CREB1: variants seen among roughly 807,000 people sequenced by gnomAD.
CREB1 encodes the protein cAMP responsive element binding protein 1.
A neutral mutation model predicts 42.0 loss-of-function variants in CREB1; 2 were observed. The ratio of observed to expected loss-of-function variants is 0.05; its 90% CI spans 0.02 to 0.15. The LOEUF (loss-of-function observed/expected upper bound fraction) is 0.15. Among genes scored for constraint, CREB1 ranks in the 10% least tolerant of loss-of-function variants. CREB1 has a pLI of 1.00. For missense variants in CREB1, 199 were observed against 388.9 expected (o/e 0.51, Z 4.11); for synonymous variants, 123 against 139.9 (o/e 0.88, Z 0.85).
At position 207,538,325 on chromosome 2, in the gene CREB1, T is replaced by C. The variant is rs1293709489; in HGVS notation, c.-9+8191T>C. On this transcript the variant is annotated intron_variant, in intron 1 of 7. Transcript: ENST00000353267. The stretch of plus-strand genomic sequence containing the variant: ...TACCTATAATTTAATACGTGCATTA[T>C]ACATCTCCAGTGATGAAAAATCACT... Among the ~76,000 whole-genome samples the C allele has an allele frequency of 2.0e-5, 3 of 152,154 alleles. No homozygotes were observed. In the East Asian group the frequency reaches 5.8e-4, roughly 29 times the overall value.
intron 7 of CREB1, among the ~76,000 whole-genome samples, chr2:207,586,220 T>C (rs988724788): frequency 7.2e-5 from 11 of 152,010 alleles, no homozygotes; most frequent in Admixed American, 2.0e-4. Flanking sequence ...AACCAAAACA[T>C]AGTATTGATA....
intron 2 of CREB1, among the ~76,000 whole-genome samples, chr2:207,557,930 T>C (rs2081795999): frequency 6.6e-6 from 1 of 152,192 alleles, no homozygotes; most frequent in Non-Finnish European, 1.5e-5. Flanking sequence ...CTTCAAATAT[T>C]ACAAGAGCAT....
chr2:207,541,963 G>A (rs1271567049), intron 1 of CREB1, among the ~76,000 whole-genome samples: 2 of 152,182 alleles, frequency 1.3e-5, no homozygotes, highest in Admixed American at 1.3e-4. Flanking sequence ...AATGTCCATT[G>A]TGATGAGCTG....
At position 207,601,727 on chromosome 2, in the gene CREB1, A is replaced by G. The variant is rs2087087918; in HGVS notation, c.*4669A>G. ...GTTCATTTTTAATGGCTTTGTTAACATCAAAGAAATGCTGCCTAAATTTGA... is the reference window on the plus strand; with the variant it reads ...GTTCATTTTTAATGGCTTTGTTAACGTCAAAGAAATGCTGCCTAAATTTGA... On this transcript the variant is annotated 3_prime_UTR_variant, in exon 8 of 8. Coordinates refer to ENST00000353267, the MANE Select transcript of CREB1 (RefSeq NM_004379.5). The G allele has an allele frequency of 4.7e-6, 1 of 214,178 alleles. No homozygotes were observed. The highest frequency in any genetic ancestry group is 9.4e-6 in the Non-Finnish European group (1 of 106,126). The allele number at this position is 214,178 out of a possible 1,614,324, so 13.3% of individuals were successfully genotyped here. A position where few individuals can be genotyped will look rare whatever the true frequency, so the allele number is the denominator to read the frequency against.
chr2:207,540,848 A>G (rs2081073528), intron 1 of CREB1, among the ~76,000 whole-genome samples: 1 of 152,218 alleles, frequency 6.6e-6, no homozygotes, highest in African/African-American at 2.4e-5. Flanking sequence ...ACAAGTTAAA[A>G]AAACTAAAAA....
In CREB1 at chr2:207,591,624, G is replaced by T; in HGVS notation, c.840-5290G>T. 1.3e-5 allele frequency among the ~76,000 whole-genome samples: 2 copies of T among 152,098 alleles called. 1 individual carries two copies. Among genetic ancestry groups the T allele is most frequent in the Non-Finnish European group, 2.9e-5 (2 of 68,016 alleles). On this transcript the variant is annotated intron_variant, in intron 7 of 7. Transcript: ENST00000353267. ...ATTTTTGTATTTTTAGTAGAGACGG[G>T]GTTTCGCCATGTTGGCCAGGCTGGT... is the stretch of plus-strand genomic sequence containing the variant.
chr2:207,544,633 G>T (rs1269369858), intron 1 of CREB1, among the ~76,000 whole-genome samples: 2 of 152,096 alleles, frequency 1.3e-5, no homozygotes, highest in Non-Finnish European at 2.9e-5. Flanking sequence ...GTGCCATGGT[G>T]GTTTGCTGCA....
At chr2:207,590,264 T>G (rs965645110) in intron 7 of CREB1, among the ~76,000 whole-genome samples, 1 of 151,922 alleles carries the variant, frequency 6.6e-6, no homozygotes, top group Non-Finnish European at 1.5e-5. Flanking sequence ...GGGATGTCAG[T>G]AGGGATGTCC....
In CREB1 at chr2:207,577,494, G is replaced by GT. The variant is rs1377970188; in HGVS notation, c.689-4dup. The GT allele has an allele frequency of 6.2e-7, 1 of 1,613,218 alleles. No homozygotes were observed. On this transcript the variant is annotated splice_polypyrimidine_tract_variant and intron_variant, in intron 6 of 7. Transcript: ENST00000353267. ...GTTTCTGTCTTACACCATGCTCACT[G>GT]TTTTTTTCAGCTGCCTCTGGAGACG...
intron 2 of CREB1, among the ~76,000 whole-genome samples, chr2:207,557,866 TTAGC>T (rs1317314088): frequency 2.0e-5 from 3 of 152,224 alleles, no homozygotes; most frequent in African/African-American, 7.2e-5. Flanking sequence ...ATTCATTGAG[TTAGC>T]TAGGTATATT....
rs183009158 is a variant in CREB1, at chr2:207,546,641, C to A, written c.-8-8987C>A. ...ACTTGGGAGACTGAGGCAAGAGAAC[C>A]GCTTGAACCTGGGAAGCGGAGGTTG... On this transcript the variant is annotated intron_variant, in intron 1 of 7. Coordinates refer to ENST00000353267, the MANE Select transcript of CREB1 (RefSeq NM_004379.5). Among the ~76,000 whole-genome samples the A allele has an allele frequency of 1.7e-3, 263 of 151,998 alleles. 1 individual carries two copies. Among genetic ancestry groups the A allele is most frequent in the Non-Finnish European group, 3.2e-3 (220 of 67,962 alleles).
chr2:207,576,118 G>GT (rs1485975069), intron 6 of CREB1, among the ~76,000 whole-genome samples: 1 of 151,068 alleles, frequency 6.6e-6, no homozygotes, highest in African/African-American at 2.4e-5. Context: ...ACTTGACTCA[G>GT]TTTTTGTTTC....
At chr2:207,595,121 G>C (rs2085878193) in intron 7 of CREB1, among the ~76,000 whole-genome samples, 1 of 150,222 alleles carries the variant, frequency 6.7e-6, no homozygotes, top group South Asian at 2.1e-4. Context: ...TCAGCCTCCT[G>C]AGTAGCTGGG....
chr2:207,579,084 C>T (rs1315252236), intron 7 of CREB1, among the ~76,000 whole-genome samples: 1 of 151,992 alleles, frequency 6.6e-6, no homozygotes, highest in East Asian at 1.9e-4. Context: ...TGGTGCCCAG[C>T]CCTCAAGTGA....
intron 7 of CREB1, among the ~76,000 whole-genome samples, chr2:207,589,644 G>A (rs552838756): frequency 2.0e-5 from 3 of 152,198 alleles, no homozygotes; most frequent in African/African-American, 7.2e-5. Flanking sequence ...TTGATTTTTA[G>A]TTTCTGAGAG....
intron 7 of CREB1, among the ~76,000 whole-genome samples, chr2:207,593,194 A>G (rs2464978): frequency 0.84 from 128,578 of 152,246 alleles, 54,486 homozygotes; most frequent in East Asian, 1. Context: ...GTTATCCACC[A>G]TTCCTATTAG....
In CREB1 at chr2:207,577,687, G is replaced by A. The variant is rs1275366854; in HGVS notation, c.839+32G>A. The A allele has an allele frequency of 3.7e-6, 6 of 1,609,504 alleles. No homozygotes were observed. The Admixed American group carries it at 8.4e-5, about 22-fold the overall frequency. ...ATACTGCATTTACTTAGATTGTTATGTGTTAAGTGTGTCTTCACATTCTGC... is the reference window on the plus strand; with the variant it reads ...ATACTGCATTTACTTAGATTGTTATATGTTAAGTGTGTCTTCACATTCTGC... On this transcript the variant is annotated intron_variant, in intron 7 of 7. Coordinates refer to ENST00000353267, the MANE Select transcript of CREB1 (RefSeq NM_004379.5).
intron 1 of CREB1, among the ~76,000 whole-genome samples, chr2:207,554,749 T>C (rs1213511075): frequency 6.6e-6 from 1 of 152,214 alleles, no homozygotes; most frequent in Admixed American, 6.5e-5. Context: ...AATTAAAATA[T>C]ATAAATAAAA....
chr2:207,555,712 C>G lies in CREB1; in HGVS notation c.77C>G (p.Thr26Arg). ...AVTEAENQQMTVQAQPQIATL... is the reference protein window; with the variant it reads ...AVTEAENQQMRVQAQPQIATL... ...ACAGAAGCTGAAAACCAACAAATGA[C>G]AGTTCAAGCCCAGCCACAGATTGCC... Residue 26 changes from threonine (T) to arginine (R), a missense_variant, in exon 2 of 8, where the codon ACA (threonine) becomes AGA (arginine). Transcript: ENST00000353267. The G allele has an allele frequency of 6.2e-7, 1 of 1,613,558 alleles. No individual in the cohort carries two copies. The highest frequency in any genetic ancestry group is 1.7e-5 in the Admixed American group (1 of 59,990).
Sources: gnomAD v4.1 joint callset for allele counts (sites outside exome capture counted in the v4.1 genomes callset) on GRCh38, gnomAD v4.1.1 for gene constraint, MANE v1.5 for transcripts, NCBI Gene and HGNC (gene_info 2026-07-23, HGNC 2026-07-21) for gene names.